Variants in CUX2 observed in about 807,000 individuals in gnomAD.
The protein encoded by CUX2 is homeobox protein cut-like 2.
A neutral mutation model predicts 144.8 loss-of-function variants in CUX2; 40 were observed. The observed-to-expected ratio is 0.28, with a 90% CI of 0.21 to 0.36. The LOEUF is 0.36. Among genes scored for constraint, CUX2 ranks in the 10% least tolerant of loss-of-function variants. CUX2 has a pLI of 1.00. For synonymous variants in CUX2, 827 were observed against 875.6 expected (o/e 0.94, Z 0.98); for missense variants, 1,615 against 1,994.0 (o/e 0.81, Z 3.62).
At position 111,295,255 on chromosome 12, in the gene CUX2, C is replaced by A; in HGVS notation, c.561-78C>A. ...CAGGGAGTGGGCAAGGGGTAGGAAG[C>A]AAGATGGGGCTCGACTCGGGGGCCC... On this transcript the variant is annotated intron_variant, in intron 6 of 21. Coordinates refer to ENST00000261726, the MANE Select transcript of CUX2 (RefSeq NM_015267.4). This position sits in a 1 kb window ranked among gnomAD's most constrained non-coding sequence, Gnocchi z 5.0. 7.4e-7 allele frequency: 1 copy of A among 1,348,610 alleles called. No individual in the cohort carries two copies. The allele number at this position is 1,348,610 out of a possible 1,614,324, so 83.5% of individuals were successfully genotyped here.
In CUX2 at chr12:111,214,319, T is replaced by C; in HGVS notation, c.174+9T>C. ...AGAAAAATGTACCTGAGGTATGGTA[T>C]ATTTGCCGTTATAGAATTAACTCAG... On this transcript the variant is annotated intron_variant, in intron 2 of 21. Coordinates refer to ENST00000261726, the MANE Select transcript of CUX2 (RefSeq NM_015267.4). 1 of 1,467,644 alleles carries C rather than the reference T, an allele frequency of 6.8e-7. No individual in the cohort carries two copies. The highest frequency in any genetic ancestry group is 9.4e-7 in the Non-Finnish European group (1 of 1,058,318). The allele number at this position is 1,467,644 out of a possible 1,614,324, so 90.9% of individuals were successfully genotyped here. A position where few individuals can be genotyped will look rare whatever the true frequency, so the allele number is the denominator to read the frequency against.
At position 111,348,174 on chromosome 12, in the gene CUX2, C is replaced by T. The variant is rs1428597474; in HGVS notation, c.4310C>T (p.Pro1437Leu). The change falls in exon 22 of 22, where the codon CCC (proline) becomes CTC (leucine). Residue 1437 changes from proline (P) to leucine (L), a missense_variant. Around this residue, in one of 12 missense-constraint regions of CUX2, gnomAD observed 298 missense variants for 330.4 expected, o/e 0.90. Coordinates refer to ENST00000261726, the MANE Select transcript of CUX2 (RefSeq NM_015267.4). ...CCTGCCAAAGTGCCGAGTGCCAGCCCCACTGCTGACATGGCTGGAGCCTTG... is the reference window on the plus strand; with the variant it reads ...CCTGCCAAAGTGCCGAGTGCCAGCCTCACTGCTGACATGGCTGGAGCCTTG... ...APPAKVPSAS[P>L]TADMAGALHP... The T allele has an allele frequency of 1.2e-6, 2 of 1,614,154 alleles. No individual in the cohort carries two copies. The highest frequency in any genetic ancestry group is 4.5e-5 in the East Asian group (2 of 44,880).
rs1889007564 is a variant in CUX2 at position 111,350,526 on chromosome 12, G to A, written c.*2201G>A. The A allele has an allele frequency of 6.6e-6, 1 of 152,464 alleles. No individual in the cohort carries two copies. Among genetic ancestry groups the A allele is most frequent in the Non-Finnish European group, 1.5e-5 (1 of 68,032 alleles). The allele number at this position is 152,464 out of a possible 1,614,324, so 9.4% of individuals were successfully genotyped here. A position where few individuals can be genotyped will look rare whatever the true frequency, so the allele number is the denominator to read the frequency against. ...AAAAAAAGGAACACGTTCTGTAAAC[G>A]AGTCGCTAAATACAGAATTGTATAA... On this transcript the variant is annotated 3_prime_UTR_variant, in exon 22 of 22. Coordinates refer to ENST00000261726, the MANE Select transcript of CUX2 (RefSeq NM_015267.4).
At chr12:111,217,638 T>G (rs531543510) in intron 2 of CUX2, among the ~76,000 whole-genome samples, 1 of 152,140 alleles carries the variant, frequency 6.6e-6, no homozygotes, top group African/African-American at 2.4e-5. Context: ...CTTCTGGAAA[T>G]TCCCAACATG....
chr12:111,081,184 A>G (rs1871866356), intron 1 of CUX2, among the ~76,000 whole-genome samples: 1 of 152,012 alleles, frequency 6.6e-6, no homozygotes, highest in African/African-American at 2.4e-5. Context: ...TTTGCCCCCT[A>G]CTGTTGTCCA....
intron 1 of CUX2, among the ~76,000 whole-genome samples, chr12:111,053,449 T>C (rs1156681754): frequency 1.3e-5 from 2 of 152,184 alleles, no homozygotes; most frequent in African/African-American, 4.8e-5. Flanking sequence ...CACACAGCAT[T>C]TCCCCAGCAG....
At position 111,304,114 on chromosome 12, in the gene CUX2, G is replaced by A. The variant is rs1467993202; in HGVS notation, c.754-96G>A. 2.1e-6 allele frequency: 2 copies of A among 963,398 alleles called. No homozygotes were observed. The highest frequency in any genetic ancestry group is 1.5e-5 in the South Asian group (1 of 66,662). The allele number at this position is 963,398 out of a possible 1,614,324, so 59.7% of individuals were successfully genotyped here. On this transcript the variant is annotated intron_variant, in intron 9 of 21. Transcript: ENST00000261726. This position sits in a 1 kb window ranked among gnomAD's most constrained non-coding sequence, Gnocchi z 4.7. ...GAAGGCAGGACCTGAGGCCCTCGGA[G>A]GTCTGCCTCCCCAACCCCTGCCTGA... is the stretch of plus-strand genomic sequence containing the variant.
chr12:111,331,197 T>A (rs541342157), intron 18 of CUX2, among the ~76,000 whole-genome samples: 1 of 152,076 alleles, frequency 6.6e-6, no homozygotes, highest in South Asian at 2.1e-4. Context: ...CCATTGATGA[T>A]TCTGGAGCAT....
At position 111,257,263 on chromosome 12, in the gene CUX2, T is replaced by G. The variant is rs536417625; in HGVS notation, c.223-6498T>G. ...TCCTCCCCTTCCCTTTTCCCCCTCC[T>G]CCTCCCTTTTCCTCTTCCTCCTCCT... is the stretch of plus-strand genomic sequence containing the variant. On this transcript the variant is annotated intron_variant, in intron 3 of 21. Coordinates refer to ENST00000261726, the MANE Select transcript of CUX2 (RefSeq NM_015267.4). 1.7e-4 allele frequency among the ~76,000 whole-genome samples: 13 copies of G among 77,688 alleles called. No individual in the cohort carries two copies. The South Asian group carries it at 6.8e-3, about 40-fold the overall frequency. 51.0% of individuals were successfully genotyped at this position (77,688 alleles called of 152,430 possible).
chr12:111,322,607 G>C lies in CUX2; in HGVS notation c.2926+27G>C, dbSNP rs781638355. The C allele has an allele frequency of 5.0e-6, 8 of 1,598,990 alleles. No homozygotes were observed. The South Asian group carries it at 7.8e-5, about 16-fold the overall frequency. On this transcript the variant is annotated intron_variant, in intron 18 of 21. Transcript: ENST00000261726. The surrounding 1 kb of genome is among the most constrained non-coding windows in gnomAD (Gnocchi z 4.2). ...TGAGTGCGGGCAGGAGCATCTCAGGGGGTGCTGGCAAACTTCCCACCTGCG... is the reference window on the plus strand; with the variant it reads ...TGAGTGCGGGCAGGAGCATCTCAGGCGGTGCTGGCAAACTTCCCACCTGCG...
chr12:111,160,352 C>A lies in CUX2; in HGVS notation c.64-53848C>A, dbSNP rs1436378228. ...GTGTCTGGCCTGTGTGTGCAGGGTG[C>A]GTGTCAGAGTGTGTATGGGCAAGCA... On this transcript the variant is annotated intron_variant, in intron 1 of 21. Transcript: ENST00000261726. The surrounding 1 kb of genome is among the most constrained non-coding windows in gnomAD (Gnocchi z 4.1). Among the ~76,000 whole-genome samples, 3 of 151,928 alleles carry A rather than the reference C, an allele frequency of 2.0e-5. No individual in the cohort carries two copies. The highest frequency in any genetic ancestry group is 2.9e-5 in the Non-Finnish European group (2 of 67,992).
chr12:111,172,462 G>A (rs979388631), intron 1 of CUX2, among the ~76,000 whole-genome samples: 1 of 152,198 alleles, frequency 6.6e-6, no homozygotes, highest in Admixed American at 6.5e-5. Flanking sequence ...TAAAGATGAT[G>A]CAGTAACGAA....
intron 1 of CUX2, among the ~76,000 whole-genome samples, chr12:111,209,968 C>T (rs1881124143): frequency 1.3e-5 from 2 of 152,198 alleles, no homozygotes; most frequent in Non-Finnish European, 2.9e-5. Flanking sequence ...TGCTGATGGC[C>T]AGTTAATCAG....
rs35729076 is a variant in CUX2, at chr12:111,303,636, C to CAA, written c.754-561_754-560dup. Among the ~76,000 whole-genome samples the CAA allele has an allele frequency of 4.3e-4, 49 of 113,322 alleles. No homozygotes were observed. In the South Asian group the frequency reaches 5.4e-3, roughly 13 times the overall value. The allele number at this position is 113,322 out of a possible 152,430, so 74.3% of individuals were successfully genotyped here. On this transcript the variant is annotated intron_variant, in intron 9 of 21. Transcript: ENST00000261726. ...GGGTGACAAGAGTGAGACTCCATCT[C>CAA]AAAAAAAAAAAAAAGAAAAGAAAAG... is the stretch of plus-strand genomic sequence containing the variant.
chr12:111,221,880 C>T (rs1004373380), intron 3 of CUX2, among the ~76,000 whole-genome samples: 1 of 152,016 alleles, frequency 6.6e-6, no homozygotes, highest in African/African-American at 2.4e-5. Flanking sequence ...GCTTCTCTGT[C>T]TGCCTTGATT....
At chr12:111,038,862 G>A (rs534156969) in intron 1 of CUX2, among the ~76,000 whole-genome samples, 1 of 152,140 alleles carries the variant, frequency 6.6e-6, no homozygotes, top group Non-Finnish European at 1.5e-5. Context: ...TAAGTGTCTC[G>A]GTGGGTTATT....
At chr12:111,249,400 CTTTTTTTTT>C (rs778334868) in intron 3 of CUX2, among the ~76,000 whole-genome samples, 3 of 80,116 alleles carry the variant, frequency 3.7e-5, no homozygotes, top group East Asian at 7.9e-4. Flanking sequence ...GTGCTATTGC[CTTTTTTTTT>C]TTTTTTTTTT....
At chr12:111,218,608 G>T (rs1881681027) in intron 3 of CUX2, among the ~76,000 whole-genome samples, 1 of 152,088 alleles carries the variant, frequency 6.6e-6, no homozygotes, top group South Asian at 2.1e-4. Context: ...TTTAAAATCA[G>T]AGGTTGGTAC....
rs56279645 is a variant in CUX2, at chr12:111,146,651, C to T, written c.64-67549C>T. On this transcript the variant is annotated intron_variant, in intron 1 of 21. Transcript: ENST00000261726. The stretch of plus-strand genomic sequence containing the variant: ...GAGGGTTAGTAACGTGTATTTGATC[C>T]AAGGACACTAACGTGCGGGTGTGAG... Among the ~76,000 whole-genome samples, 1,324 of 152,146 alleles carry T rather than the reference C, an allele frequency of 8.7e-3. 9 individuals are homozygous for T. Among genetic ancestry groups the T allele is most frequent in the Non-Finnish European group, 0.015 (1,016 of 67,996 alleles).
Sources: gnomAD v4.1 joint callset for allele counts (sites outside exome capture counted in the v4.1 genomes callset) on GRCh38, gnomAD v4.1.1 for gene constraint, gnomAD v4.1.1 regional missense constraint, Gnocchi (gnomAD v3.1) non-coding constraint, MANE v1.5 for transcripts, NCBI Gene and HGNC (gene_info 2026-07-23, HGNC 2026-07-21) for gene names.